The following ARID5B variants were observed in gnomAD, a reference collection of about 807,000 sequenced individuals.
The protein encoded by ARID5B is AT-rich interactive domain-containing protein 5B.
Under a neutral mutation model 97.2 loss-of-function variants are expected in ARID5B, and 13 were observed. The observed-to-expected ratio is 0.13, with a 90% CI of 0.09 to 0.21. The LOEUF (loss-of-function observed/expected upper bound fraction) is 0.21, where lower values mean the gene tolerates loss of function less well. Ranked by LOEUF, ARID5B falls within the 10% of genes least tolerant of loss-of-function variation. ARID5B has a pLI of 1.00. For missense variants in ARID5B, 1,210 were observed against 1,465.3 expected (o/e 0.83, Z 2.84); for synonymous variants, 556 against 570.3 (o/e 0.97, Z 0.36).
chr10:61,936,421 C>T (rs891852971), intron 2 of ARID5B, among the ~76,000 whole-genome samples: 6 of 152,192 alleles, frequency 3.9e-5, no homozygotes, highest in Non-Finnish European at 7.3e-5. Flanking sequence ...AGTTCGAGAC[C>T]ATCCTGGCCA....
rs149155681 is a variant in ARID5B, at chr10:62,016,454, C to T, written c.733+16133C>T. Among the ~76,000 whole-genome samples, 1,273 of 152,312 alleles carry T rather than the reference C, an allele frequency of 8.4e-3. 13 individuals carry two copies. Among genetic ancestry groups the T allele is most frequent in the Non-Finnish European group, 0.013 (910 of 68,036 alleles). On this transcript the variant is annotated intron_variant, in intron 4 of 9. Transcript: ENST00000279873. ...CTGTAAAATGCCATCAATTGAGATG[C>T]CACCAATTCTGGAGATATTGAAATT...
chr10:62,031,952 G>A (rs1589266137), intron 4 of ARID5B, among the ~76,000 whole-genome samples: 1 of 152,154 alleles, frequency 6.6e-6, no homozygotes, highest in African/African-American at 2.4e-5. Flanking sequence ...GCCAGTTTAT[G>A]ACCTCCTCTC....
At chr10:61,912,527 C>G (rs1382580872) in intron 2 of ARID5B, among the ~76,000 whole-genome samples, 2 of 151,806 alleles carry the variant, frequency 1.3e-5, no homozygotes, top group Non-Finnish European at 2.9e-5. Context: ...ACATTGTATA[C>G]CTTAAATATA....
At chr10:62,013,043 A>G (rs1364435335) in intron 4 of ARID5B, among the ~76,000 whole-genome samples, 2 of 152,220 alleles carry the variant, frequency 1.3e-5, no homozygotes, top group Non-Finnish European at 2.9e-5. Context: ...CTTCCAAGCA[A>G]TAGCAGAGAA....
At chr10:61,993,288 A>G (rs1838952526) in intron 3 of ARID5B, among the ~76,000 whole-genome samples, 1 of 152,238 alleles carries the variant, frequency 6.6e-6, no homozygotes, top group South Asian at 2.1e-4. Context: ...GGCAGGACAC[A>G]GTACACATTT....
chr10:62,055,399 A>C (rs1299165084), intron 5 of ARID5B, among the ~76,000 whole-genome samples: 1 of 152,156 alleles, frequency 6.6e-6, no homozygotes, highest in East Asian at 1.9e-4. Context: ...TTCGGGTTTT[A>C]AGTTTGAAAT....
chr10:61,988,491 G>T (rs1252064038), intron 3 of ARID5B, among the ~76,000 whole-genome samples: 1 of 152,164 alleles, frequency 6.6e-6, no homozygotes, highest in Non-Finnish European at 1.5e-5. Flanking sequence ...AGAAACCAAA[G>T]GTGGCAAGCG....
At chr10:62,048,716 T>C (rs7919055) in intron 4 of ARID5B, among the ~76,000 whole-genome samples, 10,697 of 152,288 alleles carry the variant, frequency 0.07, 604 homozygotes, top group Admixed American at 0.17. Flanking sequence ...CCCGGAACCT[T>C]TGCCTTTATT....
chr10:61,972,388 C>T (rs764083219), intron 3 of ARID5B, among the ~76,000 whole-genome samples: 3 of 151,906 alleles, frequency 2.0e-5, no homozygotes, highest in Admixed American at 6.6e-5. Flanking sequence ...CCACCACATC[C>T]GGCTAATTTT....
chr10:62,087,831 G>A (rs975761138), intron 9 of ARID5B, among the ~76,000 whole-genome samples: 1 of 151,386 alleles, frequency 6.6e-6, no homozygotes, highest in African/African-American at 2.4e-5. Context: ...TTAAGCTCTA[G>A]TAACTAAAAA....
At chr10:62,087,320 G>GAAAAAAAAAAAAAAAAAAAAAAAA (rs1589292422) in intron 9 of ARID5B, among the ~76,000 whole-genome samples, 1 of 76,026 alleles carries the variant, frequency 1.3e-5, no homozygotes, top group Non-Finnish European at 2.8e-5. Flanking sequence ...AAAAAAAAAG[G>GAAAAAAAAAAAAAAAAAAAAAAAA]AAAAAAGATC....
intron 2 of ARID5B, among the ~76,000 whole-genome samples, chr10:61,918,300 C>A (rs1179186759): frequency 6.6e-6 from 1 of 152,214 alleles, no homozygotes; most frequent in East Asian, 1.9e-4. Flanking sequence ...TCTTGACCAA[C>A]TTGCTTAATC....
At chr10:62,089,209 A>T (rs1037766163) in intron 9 of ARID5B, among the ~76,000 whole-genome samples, 6 of 152,220 alleles carry the variant, frequency 3.9e-5, no homozygotes, top group Non-Finnish European at 8.8e-5. Context: ...TTATTAATGT[A>T]GAAGAAGTAA....
Position 61,939,518 on chromosome 10 carries a change from A to T in ARID5B, c.277-665A>T, listed in dbSNP as rs552837895. On this transcript the variant is annotated intron_variant, in intron 2 of 9. Transcript: ENST00000279873. The stretch of plus-strand genomic sequence containing the variant: ...TTCCTCACTCACCCTCTCACCCTCT[A>T]CCCCATCTGTATTAAAAGAAAAAAT... 9.9e-5 allele frequency among the ~76,000 whole-genome samples: 15 copies of T among 152,216 alleles called. No homozygotes were observed. In the East Asian group the frequency reaches 2.9e-3, roughly 29 times the overall value.
intron 3 of ARID5B, among the ~76,000 whole-genome samples, chr10:61,964,871 C>T (rs781237797): frequency 6.6e-6 from 1 of 152,104 alleles, no homozygotes; most frequent in African/African-American, 2.4e-5. Context: ...ATTAATTGTA[C>T]GTGTGAATTC....
At chr10:62,016,849 G>C (rs1393910143) in intron 4 of ARID5B, among the ~76,000 whole-genome samples, 1 of 152,140 alleles carries the variant, frequency 6.6e-6, no homozygotes, top group Non-Finnish European at 1.5e-5. Context: ...TTTTATCTTA[G>C]GGCTGGCATA....
intron 4 of ARID5B, chr10:62,049,106 A>T: frequency 9.1e-7 from 1 of 1,099,340 alleles, no homozygotes; most frequent in Non-Finnish European, 1.1e-6. Context: ...ACCGTGTCAA[A>T]TTCATGGAAC....
intron 3 of ARID5B, among the ~76,000 whole-genome samples, chr10:61,964,670 C>T (rs1327481355): frequency 2.0e-5 from 3 of 152,194 alleles, no homozygotes. Flanking sequence ...TAAATGCAAA[C>T]AAGCTCCCTT....
intron 3 of ARID5B, among the ~76,000 whole-genome samples, chr10:61,988,937 T>A (rs113203515): frequency 3.4e-3 from 3 of 874 alleles, no homozygotes; most frequent in African/African-American, 4.4e-3. Flanking sequence ...TTTCTTTTAC[T>A]TTTTTTTTTT....
Sources: gnomAD v4.1 joint callset for allele counts (sites outside exome capture counted in the v4.1 genomes callset) on GRCh38, gnomAD v4.1.1 for gene constraint, MANE v1.5 for transcripts, NCBI Gene and HGNC (gene_info 2026-07-23, HGNC 2026-07-21) for gene names.